Variants in ABI3BP observed in about 807,000 individuals in gnomAD.
ABI3BP encodes target of Nesh-SH3.
Under a neutral mutation model 268.6 loss-of-function variants are expected in ABI3BP, and 216 were observed. That is an observed-to-expected ratio of 0.80 (90% CI 0.72 to 0.90). The LOEUF (loss-of-function observed/expected upper bound fraction) is 0.90, where lower values mean the gene tolerates loss of function less well. ABI3BP is among the 40% of genes least tolerant of loss of function. The pLI is 0.00. For synonymous variants in ABI3BP, 730 were observed against 730.0 expected, an observed-to-expected ratio of 1.00 and a Z score of 0.00; for missense variants, 2,090 against 2,182.4, an observed-to-expected ratio of 0.96 and a Z score of 0.84.
intron 57 of ABI3BP, among the ~76,000 whole-genome samples, chr3:100,781,690 A>G (rs1264186776): frequency 6.6e-6 from 1 of 152,148 alleles, no homozygotes; most frequent in East Asian, 1.9e-4. Flanking sequence ...ACAAAGTTTT[A>G]TATACCCTAG....
chr3:100,754,525 T>A (rs2095515352), intron 64 of ABI3BP, 87 bp downstream of exon 64: 6 of 1,284,624 alleles, frequency 4.7e-6, no homozygotes. Context: ...GTACATGTAG[T>A]GGGTTTCAAA....
intron 38 of ABI3BP, among the ~76,000 whole-genome samples, chr3:100,822,142 C>A (rs1008727359): frequency 4.6e-5 from 7 of 152,234 alleles, no homozygotes; most frequent in South Asian, 2.1e-4. Context: ...TGCCCCATAC[C>A]ATCTTTTACT....
At position 100,771,305 on chromosome 3, in the gene ABI3BP, A is replaced by C. The variant is rs558228046; in HGVS notation, c.4532-353T>G. Among the ~76,000 whole-genome samples, 4 of 152,312 alleles carry C rather than the reference A, an allele frequency of 2.6e-5. No individual in the cohort carries two copies. The South Asian group carries it at 8.3e-4, about 32-fold the overall frequency. ...AACACAGTTCTGGTCCCACTCAATA[A>C]ATTTTAAAAACTAGACTCAAAAGAA... On this transcript the variant is annotated intron_variant, in intron 61 of 67. Coordinates refer to ENST00000471714, the MANE Select transcript of ABI3BP (RefSeq NM_001375547.2).
At chr3:100,855,169 G>A (rs894021073) in intron 14 of ABI3BP, among the ~76,000 whole-genome samples, 2 of 152,036 alleles carry the variant, frequency 1.3e-5, no homozygotes, top group Non-Finnish European at 2.9e-5. Flanking sequence ...CTTGTGATCC[G>A]CCCACCTCGG....
intron 1 of ABI3BP, chr3:100,945,703 C>A (rs770348162): frequency 2.3e-6 from 1 of 430,654 alleles, no homozygotes; most frequent in East Asian, 7.3e-5. Context: ...GAATATATTA[C>A]ATTTTATTTA....
intron 4 of ABI3BP, among the ~76,000 whole-genome samples, chr3:100,895,538 T>C (rs532884933): frequency 6.6e-6 from 1 of 152,252 alleles, no homozygotes; most frequent in Non-Finnish European, 1.5e-5. Context: ...CACAAACCAA[T>C]GTAAATCATT....
chr3:100,951,688 CA>C (rs1456935544), intron 1 of ABI3BP, among the ~76,000 whole-genome samples: 1 of 151,956 alleles, frequency 6.6e-6, no homozygotes, highest in Non-Finnish European at 1.5e-5. Flanking sequence ...ACACCTTGCT[CA>C]AAACCCGCAT....
chr3:100,975,605 G>A (rs1193738690), intron 1 of ABI3BP, among the ~76,000 whole-genome samples: 1 of 152,026 alleles, frequency 6.6e-6, no homozygotes, highest in Non-Finnish European at 1.5e-5. Flanking sequence ...TGAATGTTTT[G>A]CTTGTTTAAT....
intron 1 of ABI3BP, among the ~76,000 whole-genome samples, chr3:100,953,690 TG>T (rs980934646): frequency 6.6e-6 from 1 of 152,194 alleles, no homozygotes; most frequent in African/African-American, 2.4e-5. Context: ...TTACATTTCT[TG>T]AATTTTGAGG....
At chr3:100,774,738 A>G (rs1452778755) in intron 60 of ABI3BP, 65 bp from the exon 61 acceptor site, 18 of 1,217,436 alleles carry the variant, frequency 1.5e-5, no homozygotes, top group Non-Finnish European at 1.9e-5. Flanking sequence ...ACAATGAAAA[A>G]GTTGTAGACT....
intron 38 of ABI3BP, 121 bp downstream of exon 38, chr3:100,822,468 C>A: frequency 1.3e-6 from 1 of 782,672 alleles, no homozygotes; most frequent in Non-Finnish European, 2.0e-6. Context: ...CTGCTGCTAA[C>A]CATGAGTTGT....
At chr3:100,984,071 T>C (rs1387924212) in intron 1 of ABI3BP, among the ~76,000 whole-genome samples, 1 of 152,160 alleles carries the variant, frequency 6.6e-6, no homozygotes, top group Non-Finnish European at 1.5e-5. Context: ...ATCAAGCACT[T>C]ATACATACAA....
chr3:100,902,117 A>G (rs963944890), intron 3 of ABI3BP, among the ~76,000 whole-genome samples: 1 of 152,232 alleles, frequency 6.6e-6, no homozygotes, highest in Non-Finnish European at 1.5e-5. Flanking sequence ...AATAAAACCT[A>G]CATGCTGATC....
In ABI3BP at chr3:100,850,051, T is replaced by C. The variant is rs573424147; in HGVS notation, c.1495A>G (p.Thr499Ala). 2.1e-5 allele frequency: 34 copies of C among 1,611,164 alleles called. No individual in the cohort carries two copies. Among genetic ancestry groups the C allele is most frequent in the Non-Finnish European group, 2.7e-5 (32 of 1,178,670 alleles). The change falls in exon 17 of 68, where the codon ACA becomes GCA. Residue 499 changes from threonine (T) to alanine (A), a missense_variant. Transcript: ENST00000471714. ...CATAAATGTCATTAGTTACCAGGTG[T>C]CGTAGGCTGCATTTCTGGACTGGTA... is the stretch of plus-strand genomic sequence containing the variant. ...IFTSPEMQPTTPAPQQTTSIP... is the reference protein window; with the variant it reads ...IFTSPEMQPTAPAPQQTTSIP...
chr3:100,960,994 C>T (rs1049776730), intron 1 of ABI3BP, among the ~76,000 whole-genome samples: 2 of 152,172 alleles, frequency 1.3e-5, no homozygotes, highest in Admixed American at 1.3e-4. Flanking sequence ...ACCTACAGAG[C>T]TGTAAGATAA....
In ABI3BP at chr3:100,835,552, A is replaced by C. The variant is rs1245168159; in HGVS notation, c.2191+49T>G. On this transcript the variant is annotated intron_variant, in intron 28 of 67. Coordinates refer to ENST00000471714, the MANE Select transcript of ABI3BP (RefSeq NM_001375547.2). ...AGCCCAAATAGTGATGGAATAGACT[A>C]GACAATGAGCAGAAAAAACTCATAC... The C allele has an allele frequency of 7.9e-6, 11 of 1,390,724 alleles. No homozygotes were observed. The African/African-American group carries it at 1.6e-4, about 20-fold the overall frequency. The allele number at this position is 1,390,724 out of a possible 1,614,324, so 86.1% of individuals were successfully genotyped here.
chr3:100,767,057 G>A (rs186917868), intron 62 of ABI3BP, among the ~76,000 whole-genome samples: 140 of 152,176 alleles, frequency 9.2e-4, no homozygotes, highest in Non-Finnish European at 1.5e-3. Context: ...CCGCCTCCCG[G>A]GGTCATGCTA....
intron 28 of ABI3BP, among the ~76,000 whole-genome samples, chr3:100,835,295 T>C (rs562272785): frequency 3.5e-4 from 53 of 152,340 alleles, no homozygotes; most frequent in Non-Finnish European, 7.3e-4. Flanking sequence ...TTCCTAATTG[T>C]ATTTGAAATT....
chr3:100,761,323 A>G (rs1269263524), intron 63 of ABI3BP, among the ~76,000 whole-genome samples: 2 of 152,146 alleles, frequency 1.3e-5, no homozygotes, highest in Admixed American at 1.3e-4. Context: ...TCATTTGACT[A>G]AAACAATCAC....
Sources: gnomAD v4.1 joint callset for allele counts (sites outside exome capture counted in the v4.1 genomes callset) on GRCh38, gnomAD v4.1.1 for gene constraint, MANE v1.5 for transcripts, NCBI Gene and HGNC (gene_info 2026-07-23, HGNC 2026-07-21) for gene names.